Variants in GALNTL6 observed in about 807,000 individuals in gnomAD.
GALNTL6 encodes polypeptide N-acetylgalactosaminyltransferase-like 6.
A neutral mutation model predicts 73.7 loss-of-function variants in GALNTL6; 46 were observed. The observed-to-expected ratio is 0.62, with a 90% CI of 0.49 to 0.80. The LOEUF (loss-of-function observed/expected upper bound fraction) is 0.80. GALNTL6 is among the 30% of genes least tolerant of loss of function. The pLI is 0.00. For missense variants in GALNTL6, 604 were observed against 755.0 expected (o/e 0.80, Z 2.34); for synonymous variants, 259 against 263.7 (o/e 0.98, Z 0.17).
At chr4:172,310,811 A>T (rs1230398850) in intron 3 of GALNTL6, among the ~76,000 whole-genome samples, 1 of 151,996 alleles carries the variant, frequency 6.6e-6, no homozygotes, top group Non-Finnish European at 1.5e-5. Flanking sequence ...TAAAAGAAAA[A>T]AGTAAAATCA....
chr4:171,827,124 A>T (rs1474736719), intron 2 of GALNTL6, among the ~76,000 whole-genome samples: 1 of 152,188 alleles, frequency 6.6e-6, no homozygotes, highest in Non-Finnish European at 1.5e-5. Flanking sequence ...CACTTTATAT[A>T]GGCAGAGATA....
At chr4:172,395,137 C>T (rs1743802620) in intron 5 of GALNTL6, among the ~76,000 whole-genome samples, 1 of 152,124 alleles carries the variant, frequency 6.6e-6, no homozygotes, top group Admixed American at 6.6e-5. Context: ...ATTTATGAAT[C>T]GATTGTTAAT....
intron 6 of GALNTL6, among the ~76,000 whole-genome samples, chr4:172,810,089 G>A (rs1212104124): frequency 6.6e-6 from 1 of 152,016 alleles, no homozygotes; most frequent in Non-Finnish European, 1.5e-5. Context: ...TCCACTTCTG[G>A]CACCATCCTA....
At chr4:173,026,755 G>A (rs953786776) in intron 12 of GALNTL6, among the ~76,000 whole-genome samples, 49 of 152,266 alleles carry the variant, frequency 3.2e-4, no homozygotes, top group African/African-American at 1.1e-3. Flanking sequence ...CTATATATAA[G>A]TGCCTCATTG....
At chr4:172,334,399 A>G (rs1741236900) in intron 4 of GALNTL6, among the ~76,000 whole-genome samples, 1 of 151,984 alleles carries the variant, frequency 6.6e-6, no homozygotes, top group Admixed American at 6.5e-5. Flanking sequence ...ATATTTTTCC[A>G]TTTGTTTTAT....
intron 3 of GALNTL6, among the ~76,000 whole-genome samples, chr4:172,265,203 G>A (rs1248755755): frequency 1.3e-5 from 2 of 151,994 alleles, no homozygotes; most frequent in East Asian, 1.9e-4. Flanking sequence ...GCAACCGTGA[G>A]TCTGGAATTG....
At chr4:172,720,372 C>G (rs557476444) in intron 5 of GALNTL6, among the ~76,000 whole-genome samples, 1 of 152,136 alleles carries the variant, frequency 6.6e-6, no homozygotes, top group South Asian at 2.1e-4. Context: ...TCAAATCCCA[C>G]GTTCCACACA....
chr4:172,384,212 GGTGAA>G (rs1460846026), intron 5 of GALNTL6, among the ~76,000 whole-genome samples: 1 of 152,102 alleles, frequency 6.6e-6, no homozygotes, highest in African/African-American at 2.4e-5. Flanking sequence ...CAGTGAAGCA[GGTGAA>G]GTGAAGTAGG....
At chr4:172,249,542 C>G (rs1221774944) in intron 3 of GALNTL6, among the ~76,000 whole-genome samples, 1 of 152,146 alleles carries the variant, frequency 6.6e-6, no homozygotes, top group Non-Finnish European at 1.5e-5. Context: ...ACCTTCACGG[C>G]AACCCCTCCC....
intron 10 of GALNTL6, among the ~76,000 whole-genome samples, chr4:172,992,568 TGAG>T (rs1751588434): frequency 6.6e-6 from 1 of 152,228 alleles, no homozygotes; most frequent in Non-Finnish European, 1.5e-5. Flanking sequence ...ATTTTAATAA[TGAG>T]GCATCACACA....
In GALNTL6 at chr4:172,289,097, GA is replaced by G. The variant is rs1182946651; in HGVS notation, c.248-22507del. ...AATATTGCTTTGTGTAACATGCTCT[GA>G]AAAAAAAAATCCTTCTGTATGTGTT... On this transcript the variant is annotated intron_variant, in intron 3 of 12. Transcript: ENST00000506823. Among the ~76,000 whole-genome samples the G allele has an allele frequency of 8.9e-4, 133 of 148,776 alleles. 1 individual carries two copies. Among genetic ancestry groups the G allele is most frequent in the Middle Eastern group, 3.4e-3 (1 of 290 alleles).
At position 172,505,099 on chromosome 4, in the gene GALNTL6, C is replaced by A. The variant is rs191752709; in HGVS notation, c.553+156410C>A. Among the ~76,000 whole-genome samples the A allele has an allele frequency of 0.025, 1,373 of 54,600 alleles. 561 individuals are homozygous for A. The East Asian group carries it at 0.49, about 19-fold the overall frequency. The allele number at this position is 54,600 out of a possible 152,430, so 35.8% of individuals were successfully genotyped here. ...TATCTCAAATTTATGAGTAATTTTTCAAATAATTATATTAACATGAAAATT... is the reference window on the plus strand; with the variant it reads ...TATCTCAAATTTATGAGTAATTTTTAAAATAATTATATTAACATGAAAATT... On this transcript the variant is annotated intron_variant, in intron 5 of 12. Coordinates refer to ENST00000506823, the MANE Select transcript of GALNTL6 (RefSeq NM_001034845.3).
At chr4:172,305,279 G>T (rs1195732883) in intron 3 of GALNTL6, among the ~76,000 whole-genome samples, 1 of 151,984 alleles carries the variant, frequency 6.6e-6, no homozygotes, top group Non-Finnish European at 1.5e-5. Flanking sequence ...TCTACTATCT[G>T]CCTTAAGTAT....
intron 2 of GALNTL6, among the ~76,000 whole-genome samples, chr4:172,119,069 A>G (rs181940065): frequency 2.6e-5 from 4 of 152,264 alleles, no homozygotes; most frequent in African/African-American, 9.6e-5. Flanking sequence ...ATGAAAGCAT[A>G]CAGTGGGTTG....
chr4:172,691,778 T>G (rs537294752), intron 5 of GALNTL6, among the ~76,000 whole-genome samples: 1 of 152,370 alleles, frequency 6.6e-6, no homozygotes, highest in South Asian at 2.1e-4. Context: ...CTGGCAGTAC[T>G]GTGATAGTCT....
chr4:172,056,518 A>G (rs1014454720), intron 2 of GALNTL6, among the ~76,000 whole-genome samples: 1 of 152,128 alleles, frequency 6.6e-6, no homozygotes, highest in African/African-American at 2.4e-5. Context: ...ATCAGAGTCT[A>G]TGAACATTTT....
intron 2 of GALNTL6, among the ~76,000 whole-genome samples, chr4:172,012,494 A>G (rs1442962003): frequency 6.6e-6 from 1 of 152,126 alleles, no homozygotes. Context: ...ATTGACTTCT[A>G]CTATCAGAAG....
chr4:172,007,339 T>C (rs1246493449), intron 2 of GALNTL6, among the ~76,000 whole-genome samples: 11 of 152,084 alleles, frequency 7.2e-5, no homozygotes, highest in Admixed American at 1.3e-4. Flanking sequence ...TTAAAGAAGA[T>C]TATGAACTAT....
chr4:172,601,989 TTA>T (rs1738066316), intron 5 of GALNTL6, among the ~76,000 whole-genome samples: 1 of 152,030 alleles, frequency 6.6e-6, no homozygotes, highest in South Asian at 2.1e-4. Flanking sequence ...GGGACACTTC[TTA>T]TAAGTGGGGC....
Sources: gnomAD v4.1 joint callset for allele counts (sites outside exome capture counted in the v4.1 genomes callset) on GRCh38, gnomAD v4.1.1 for gene constraint, MANE v1.5 for transcripts, NCBI Gene and HGNC (gene_info 2026-07-23, HGNC 2026-07-21) for gene names.